CREM: variants seen among roughly 807,000 people sequenced by gnomAD.
CREM encodes the protein cAMP-responsive element modulator.
A neutral mutation model predicts 37.3 loss-of-function variants in CREM; 13 were observed. The ratio of observed to expected loss-of-function variants is 0.35; its 90% CI spans 0.23 to 0.55. CREM has a LOEUF of 0.55. CREM is among the 20% of genes least tolerant of loss of function. The pLI, the probability that CREM is intolerant of heterozygous loss-of-function variation, is 0.88. For missense variants in CREM, 296 were observed against 362.3 expected (o/e 0.82, Z 1.49); for synonymous variants, 124 against 120.2 (o/e 1.03, Z -0.21).
chr10:35,132,430 AT>A (rs1271385822), intron 1 of CREM, among the ~76,000 whole-genome samples: 1 of 152,152 alleles, frequency 6.6e-6, no homozygotes, highest in African/African-American at 2.4e-5. Context: ...TCCTTTAGTG[AT>A]TTTAGTAAAG....
chr10:35,149,874 C>T (rs2092446109), intron 3 of CREM, among the ~76,000 whole-genome samples: 2 of 103,154 alleles, frequency 1.9e-5, no homozygotes, highest in African/African-American at 3.5e-5. Flanking sequence ...TAGGTTAGGC[C>T]AGGCCTTTTG....
chr10:35,138,949 T>C (rs536528601), intron 2 of CREM, among the ~76,000 whole-genome samples: 2 of 152,118 alleles, frequency 1.3e-5, no homozygotes, highest in South Asian at 4.1e-4. Flanking sequence ...ACAATAGATA[T>C]ATTAATATTT....
intron 3 of CREM, chr10:35,167,643 G>C: frequency 7.1e-7 from 1 of 1,405,434 alleles, no homozygotes; most frequent in Non-Finnish European, 1.0e-6. Flanking sequence ...TTTTTTAATT[G>C]CAAAGCCAAA....
intron 5 of CREM, among the ~76,000 whole-genome samples, chr10:35,182,218 A>AT (rs1287223714): frequency 6.6e-6 from 1 of 152,140 alleles, no homozygotes; most frequent in Non-Finnish European, 1.5e-5. Flanking sequence ...TATTGATCTT[A>AT]TTTTTTATAG....
At chr10:35,187,893 C>G (rs574461420) in intron 5 of CREM, among the ~76,000 whole-genome samples, 2 of 152,320 alleles carry the variant, frequency 1.3e-5, no homozygotes, top group Admixed American at 1.3e-4. Context: ...TGGACTCTCC[C>G]TGTCTCCTTC....
intron 5 of CREM, among the ~76,000 whole-genome samples, chr10:35,181,749 G>A (rs917885565): frequency 8.6e-5 from 13 of 152,010 alleles, no homozygotes; most frequent in Admixed American, 2.6e-4. Context: ...GGTGGTATGC[G>A]CTCATCCCAG....
intron 2 of CREM, among the ~76,000 whole-genome samples, chr10:35,138,322 G>T (rs2090903893): frequency 6.6e-6 from 1 of 152,138 alleles, no homozygotes; most frequent in African/African-American, 2.4e-5. Flanking sequence ...GAGACATTCT[G>T]TTTCGTTAGT....
chr10:35,145,634 C>G (rs2091988838), intron 2 of CREM, among the ~76,000 whole-genome samples: 1 of 152,024 alleles, frequency 6.6e-6, no homozygotes, highest in Admixed American at 6.6e-5. Flanking sequence ...TACAAAATAG[C>G]TGGGCATGGG....
intron 2 of CREM, among the ~76,000 whole-genome samples, chr10:35,144,478 G>A (rs767814047): frequency 5.3e-5 from 8 of 152,146 alleles, no homozygotes; most frequent in Non-Finnish European, 1.5e-5. Context: ...TGTAAATACA[G>A]ATTTGGGAGC....
At chr10:35,133,716 T>C (rs754594861) in intron 1 of CREM, among the ~76,000 whole-genome samples, 8 of 152,274 alleles carry the variant, frequency 5.3e-5, no homozygotes, top group Non-Finnish European at 1.2e-4. Context: ...TACTTAGTCA[T>C]TTCATCTAAT....
At chr10:35,147,887 T>C (rs574501649) in intron 2 of CREM, among the ~76,000 whole-genome samples, 25 of 152,346 alleles carry the variant, frequency 1.6e-4, no homozygotes, top group Middle Eastern at 3.4e-3. Flanking sequence ...GACTCTACTA[T>C]TGAACCTGTT....
At chr10:35,136,121 G>A (rs1204230485) in intron 1 of CREM, among the ~76,000 whole-genome samples, 1 of 152,190 alleles carries the variant, frequency 6.6e-6, no homozygotes, top group Admixed American at 6.5e-5. Flanking sequence ...GAGGAAGCGG[G>A]CGGCTGTTCC....
chr10:35,166,820 T>G (rs2132489685), intron 3 of CREM, among the ~76,000 whole-genome samples: 1 of 152,198 alleles, frequency 6.6e-6, no homozygotes, highest in East Asian at 1.9e-4. Flanking sequence ...GTGTTTGTCT[T>G]ACTCAGCACA....
intron 3 of CREM, among the ~76,000 whole-genome samples, chr10:35,161,662 C>G (rs1202957761): frequency 7.8e-6 from 1 of 128,538 alleles, no homozygotes; most frequent in African/African-American, 2.8e-5. Context: ...GACTGTCTCA[C>G]CAAAAAAAAA....
chr10:35,184,122 G>C (rs1222959454), intron 5 of CREM, among the ~76,000 whole-genome samples: 2 of 152,102 alleles, frequency 1.3e-5, no homozygotes, highest in Non-Finnish European at 2.9e-5. Flanking sequence ...ACATCGCCAG[G>C]CTTGGTGGTT....
In CREM at chr10:35,212,213, A is replaced by G. The variant is rs2095673242; in HGVS notation, c.*815A>G. 1 of 154,074 alleles carries G rather than the reference A, an allele frequency of 6.5e-6. No individual in the cohort carries two copies. The highest frequency in any genetic ancestry group is 2.1e-4 in the South Asian group (1 of 4,864). The allele number at this position is 154,074 out of a possible 1,614,324, so 9.5% of individuals were successfully genotyped here. ...AAAAATACCTCAGGAAAGAATAGAAAGAAAGTCTATCTAATGACATGCCTA... is the reference window on the plus strand; with the variant it reads ...AAAAATACCTCAGGAAAGAATAGAAGGAAAGTCTATCTAATGACATGCCTA... On this transcript the variant is annotated 3_prime_UTR_variant, in exon 8 of 8. Coordinates refer to ENST00000685392, the MANE Select transcript of CREM (RefSeq NM_183011.2).
chr10:35,198,980 T>C (rs2095303600), intron 6 of CREM, among the ~76,000 whole-genome samples: 1 of 152,060 alleles, frequency 6.6e-6, no homozygotes, highest in Non-Finnish European at 1.5e-5. Context: ...TGAAAGCCCA[T>C]CTCCACAAAA....
At chr10:35,156,542 G>A (rs1457901886) in intron 3 of CREM, among the ~76,000 whole-genome samples, 1 of 152,186 alleles carries the variant, frequency 6.6e-6, no homozygotes, top group East Asian at 1.9e-4. Flanking sequence ...GAGCCACTAT[G>A]TTCAGCCAGA....
intron 3 of CREM, among the ~76,000 whole-genome samples, chr10:35,149,782 C>T (rs925144157): frequency 1.3e-5 from 2 of 151,962 alleles, no homozygotes; most frequent in South Asian, 2.1e-4. Context: ...AACACCCACT[C>T]GTTCCCTGCA....
Sources: gnomAD v4.1 joint callset for allele counts (sites outside exome capture counted in the v4.1 genomes callset) on GRCh38, gnomAD v4.1.1 for gene constraint, MANE v1.5 for transcripts, NCBI Gene and HGNC (gene_info 2026-07-23, HGNC 2026-07-21) for gene names.